The following MED15 variants were observed in gnomAD, a reference collection of about 807,000 sequenced individuals.
The protein encoded by MED15 is mediator of RNA polymerase II transcription subunit 15.
Under a neutral mutation model 118.7 loss-of-function variants are expected in MED15, and 41 were observed. The ratio of observed to expected loss-of-function variants is 0.35; its 90% confidence interval spans 0.27 to 0.45. The LOEUF is 0.45. Among genes scored for constraint, MED15 ranks in the 20% least tolerant of loss-of-function variants. The probability of loss-of-function intolerance (pLI) is 1.00; values close to 1 mark genes in which losing one functional copy is unlikely to be tolerated. For missense variants in MED15, 740 were observed against 1,025.5 expected (o/e 0.72, Z 3.80); for synonymous variants, 436 against 413.9 (o/e 1.05, Z -0.65).
At chr22:20,549,216 C>T (rs935836968) in intron 2 of MED15, among the ~76,000 whole-genome samples, 1 of 152,174 alleles carries the variant, frequency 6.6e-6, no homozygotes, top group African/African-American at 2.4e-5. Context: ...ATTGATGACT[C>T]CTGTGTCTGG....
chr22:20,550,885 T>G, intron 2 of MED15: 1 of 344,648 alleles, frequency 2.9e-6, no homozygotes, highest in Non-Finnish European at 5.7e-6. Flanking sequence ...CCCTCTGCCT[T>G]GCCTGTGCGT....
At chr22:20,568,219 C>G (rs143804930) in intron 7 of MED15, among the ~76,000 whole-genome samples, 1 of 152,242 alleles carries the variant, frequency 6.6e-6, no homozygotes, top group East Asian at 1.9e-4. Context: ...GCATGCTTGG[C>G]CCAGAGGATG....
chr22:20,545,869 G>A (rs1318579910), intron 2 of MED15, among the ~76,000 whole-genome samples: 1 of 152,136 alleles, frequency 6.6e-6, no homozygotes, highest in Non-Finnish European at 1.5e-5. Context: ...AAGCACAGAG[G>A]CGTCATATTC....
chr22:20,576,055 CT>C (rs199804769), intron 9 of MED15, among the ~76,000 whole-genome samples: 3,745 of 152,200 alleles, frequency 0.025, 158 homozygotes, highest in African/African-American at 0.085. Flanking sequence ...TTCCCGGCTT[CT>C]TTTATTGTAT....
intron 2 of MED15, among the ~76,000 whole-genome samples, chr22:20,538,803 G>A (rs1029173174): frequency 6.6e-6 from 1 of 151,424 alleles, no homozygotes; most frequent in East Asian, 2.0e-4. Context: ...AGGTTCAAGC[G>A]ATTCTTCCGC....
chr22:20,561,686 C>A (rs998301030), intron 5 of MED15, among the ~76,000 whole-genome samples: 1 of 152,060 alleles, frequency 6.6e-6, no homozygotes, highest in African/African-American at 2.4e-5. Flanking sequence ...GAAACACACA[C>A]CTACAATAAA....
chr22:20,583,473 G>A (rs1327022014), intron 13 of MED15, 80 bp downstream of exon 13: 1 of 1,551,864 alleles, frequency 6.4e-7, no homozygotes, highest in South Asian at 1.1e-5. Context: ...GTGATGATGT[G>A]GGTTTAACAA....
intron 8 of MED15, chr22:20,574,837 T>C (rs2056775196): frequency 2.3e-6 from 1 of 442,222 alleles, no homozygotes; most frequent in Non-Finnish European, 4.2e-6. Context: ...CAGAAGTGTG[T>C]TGAGGACACC....
chr22:20,585,622 C>A, intron 16 of MED15, 106 bp from the exon 17 acceptor site: 2 of 1,074,474 alleles, frequency 1.9e-6, no homozygotes, highest in Non-Finnish European at 2.8e-6. Flanking sequence ...TTGCCACAAG[C>A]TTCACCAGAA....
At chr22:20,511,852 CTT>C (rs2054075754) in intron 1 of MED15, among the ~76,000 whole-genome samples, 1 of 152,132 alleles carries the variant, frequency 6.6e-6, no homozygotes, top group Non-Finnish European at 1.5e-5. Flanking sequence ...CAATCAGTGA[CTT>C]TTCTTAGCAT....
In MED15 at chr22:20,585,835, A is replaced by G. The variant is rs2057119299; in HGVS notation, c.2230+9A>G. ...CCGGCAGTGGCAGTACGGTAGGTAG[A>G]CCCAGAGGAGCTGTCTGGGGACCCA... On this transcript the variant is annotated intron_variant, in intron 17 of 17. Coordinates refer to ENST00000263205, the MANE Select transcript of MED15 (RefSeq NM_001003891.3). 6.2e-6 allele frequency: 10 copies of G among 1,611,886 alleles called. No individual in the cohort carries two copies. Among genetic ancestry groups the G allele is most frequent in the Middle Eastern group, 3.3e-4 (2 of 6,076 alleles).
chr22:20,521,072 A>G (rs1038548488), intron 1 of MED15, among the ~76,000 whole-genome samples: 3 of 143,840 alleles, frequency 2.1e-5, no homozygotes, highest in African/African-American at 7.6e-5. Context: ...TTATCCTCAC[A>G]GGCAGCAGTT....
chr22:20,517,538 C>T (rs2054297190), intron 1 of MED15, among the ~76,000 whole-genome samples: 2 of 152,190 alleles, frequency 1.3e-5, no homozygotes, highest in African/African-American at 4.8e-5. Flanking sequence ...CTGCCCCCAC[C>T]CCGCTGCTCT....
At chr22:20,575,021 T>G in intron 8 of MED15, 92 bp from the exon 9 acceptor site, 2 of 1,566,000 alleles carry the variant, frequency 1.3e-6, no homozygotes, top group Non-Finnish European at 1.7e-6. Flanking sequence ...TGGTGCTCCT[T>G]CTTGCAGAGG....
chr22:20,556,212 A>G lies in MED15; in HGVS notation c.451+1064A>G, dbSNP rs185460987. ...CCTTTACCCAGCTCTCCCCAATAAT[A>G]GTATCTTACATAGAACATTGTCAAA... On this transcript the variant is annotated intron_variant, in intron 5 of 17. Coordinates refer to ENST00000263205, the MANE Select transcript of MED15 (RefSeq NM_001003891.3). Among the ~76,000 whole-genome samples, 5 of 152,218 alleles carry G rather than the reference A, an allele frequency of 3.3e-5. No homozygotes were observed. The East Asian group carries it at 9.7e-4, about 29-fold the overall frequency.
rs899011348 is a variant in MED15 at position 20,568,702 on chromosome 22, A to C, written c.1152+71A>C. On this transcript the variant is annotated intron_variant, in intron 8 of 17. Transcript: ENST00000263205. Reference sequence around the variant, plus strand: ...TGTTCACCTGCGCATGTAGTGCTACAGTGAGGGTTCTGGTTGGATTAGGGG... The same window carrying C: ...TGTTCACCTGCGCATGTAGTGCTACCGTGAGGGTTCTGGTTGGATTAGGGG... The C allele has an allele frequency of 3.8e-6, 6 of 1,561,874 alleles. No individual in the cohort carries two copies. The African/African-American group carries it at 8.2e-5, about 21-fold the overall frequency.
chr22:20,508,412 G>A lies in MED15; in HGVS notation c.68+666G>A, dbSNP rs764388213. 9 of 1,303,620 alleles carry A rather than the reference G, an allele frequency of 6.9e-6. No homozygotes were observed. In the South Asian group the frequency reaches 1.1e-4, roughly 16 times the overall value. The allele number at this position is 1,303,620 out of a possible 1,614,324, so 80.8% of individuals were successfully genotyped here. On this transcript the variant is annotated intron_variant, in intron 1 of 17. Transcript: ENST00000263205. ...TCTGTTAGCAGTTTTTTTCATGCGC[G>A]TCCGTGTGAAGAGACCACCAAACAG...
intron 2 of MED15, among the ~76,000 whole-genome samples, chr22:20,549,045 C>T (rs952891274): frequency 2.0e-5 from 3 of 152,236 alleles, no homozygotes; most frequent in African/African-American, 4.8e-5. Flanking sequence ...AAGGGACCCT[C>T]CTGCCTTGGC....
chr22:20,586,800 G>C lies in MED15; in HGVS notation c.*96G>C, dbSNP rs2057149543. The stretch of plus-strand genomic sequence containing the variant: ...GTGTTGGCTTCCTTAGAGAGCCTGG[G>C]GTTAGGTTAGCTTTCCTGCTTTTAT... On this transcript the variant is annotated 3_prime_UTR_variant, in exon 18 of 18. Coordinates refer to ENST00000263205, the MANE Select transcript of MED15 (RefSeq NM_001003891.3). 2 of 1,512,366 alleles carry C rather than the reference G, an allele frequency of 1.3e-6. No individual in the cohort carries two copies. The highest frequency in any genetic ancestry group is 1.8e-6 in the Non-Finnish European group (2 of 1,123,312). The allele number at this position is 1,512,366 out of a possible 1,614,324, so 93.7% of individuals were successfully genotyped here. A position where few individuals can be genotyped will look rare whatever the true frequency, so the allele number is the denominator to read the frequency against.
Sources: allele counts gnomAD v4.1 joint callset (sites outside exome capture counted in the v4.1 genomes callset), GRCh38; gene constraint gnomAD v4.1.1; transcripts MANE v1.5; gene names NCBI Gene and HGNC (gene_info 2026-07-23, HGNC 2026-07-21).